Variants in RABGEF1 observed in about 807,000 individuals in gnomAD.
RABGEF1 encodes the protein RAB guanine nucleotide exchange factor 1.
In RABGEF1, 26 loss-of-function variants were observed where a neutral mutation model predicts 57.3. The ratio of observed to expected loss-of-function variants is 0.45; its 90% CI spans 0.33 to 0.63. RABGEF1 has a LOEUF of 0.63. RABGEF1 is among the 20% of genes least tolerant of loss of function. RABGEF1 has a pLI of 0.02. For synonymous variants in RABGEF1, 185 were observed against 210.7 expected (o/e 0.88, Z 1.06); for missense variants, 464 against 607.6 (o/e 0.76, Z 2.48).
chr7:66,735,595 G>GT (rs770876580), intron 2 of RABGEF1, among the ~76,000 whole-genome samples: 1 of 152,202 alleles, frequency 6.6e-6, no homozygotes, highest in Non-Finnish European at 1.5e-5. Context: ...CAGGATCATT[G>GT]TGGGGGGGGT....
At chr7:66,723,943 A>AT (rs1178312553) in intron 2 of RABGEF1, among the ~76,000 whole-genome samples, 1 of 152,140 alleles carries the variant, frequency 6.6e-6, no homozygotes, top group Non-Finnish European at 1.5e-5. Context: ...CATATTTGCC[A>AT]TTTTTAGTGC....
At chr7:66,748,014 G>A (rs1800628657) in intron 1 of RABGEF1, among the ~76,000 whole-genome samples, 1 of 152,128 alleles carries the variant, frequency 6.6e-6, no homozygotes, top group Admixed American at 6.6e-5. Flanking sequence ...TAAGTGCAGA[G>A]GGCCACAAAT....
intron 1 of RABGEF1, among the ~76,000 whole-genome samples, chr7:66,683,812 G>A (rs1790163924): frequency 6.6e-6 from 1 of 152,026 alleles, no homozygotes; most frequent in South Asian, 2.1e-4. Flanking sequence ...ACGATCACGA[G>A]TCACTGAAGT....
intron 4 of RABGEF1, among the ~76,000 whole-genome samples, chr7:66,790,760 TAATGAACTCCTATTCAGGAATG>T (rs1284410758): frequency 1.3e-5 from 2 of 152,210 alleles, no homozygotes; most frequent in East Asian, 3.9e-4. Context: ...ACAGTTGCAT[TAATGAACTCCTATTCAGGAATG>T]TGTTCTCTGA....
intron 1 of RABGEF1, among the ~76,000 whole-genome samples, chr7:66,693,669 G>A (rs1332766049): frequency 7.2e-5 from 11 of 152,218 alleles, no homozygotes; most frequent in Admixed American, 2.0e-4. Flanking sequence ...ACCTGCTAGG[G>A]CCCAGGGCTG....
intron 1 of RABGEF1, chr7:66,748,914 TG>T: frequency 4.1e-6 from 1 of 244,218 alleles, no homozygotes. Context: ...ACCCTGGTTC[TG>T]GGCACTCTCC....
intron 1 of RABGEF1, among the ~76,000 whole-genome samples, chr7:66,763,987 T>G (rs1306436735): frequency 6.6e-6 from 1 of 152,236 alleles, no homozygotes; most frequent in East Asian, 1.9e-4. Context: ...TTATTTCTCT[T>G]AGTCTAGGAG....
chr7:66,786,158 C>T (rs1811137985), intron 4 of RABGEF1, among the ~76,000 whole-genome samples: 2 of 152,184 alleles, frequency 1.3e-5, no homozygotes, highest in Non-Finnish European at 2.9e-5. Context: ...TTTCTCCAAG[C>T]CCTGTATATG....
chr7:66,741,522 A>C (rs1202830806), intron 1 of RABGEF1, among the ~76,000 whole-genome samples: 3 of 152,062 alleles, frequency 2.0e-5, no homozygotes. Context: ...GCGGTGTCTC[A>C]GCGCGGGTGA....
At chr7:66,773,761 G>A (rs1807793387) in intron 2 of RABGEF1, 2 of 453,370 alleles carry the variant, frequency 4.4e-6, no homozygotes, top group South Asian at 3.1e-5. Flanking sequence ...TGCTTCCTGG[G>A]CTCAAGTGAT....
At chr7:66,749,233 A>G (rs1800881472) in intron 1 of RABGEF1, among the ~76,000 whole-genome samples, 1 of 152,218 alleles carries the variant, frequency 6.6e-6, no homozygotes. Context: ...GAACAGTTGC[A>G]CTTTCAAGTA....
At chr7:66,788,623 G>A (rs548380730) in intron 4 of RABGEF1, among the ~76,000 whole-genome samples, 1 of 152,222 alleles carries the variant, frequency 6.6e-6, no homozygotes, top group East Asian at 1.9e-4. Context: ...TAAGGAAGCA[G>A]TTAAGCACAA....
In RABGEF1 at chr7:66,704,052, A is replaced by G. The variant is rs1343749092; in HGVS notation, c.-872-8115A>G. Among the ~76,000 whole-genome samples the G allele has an allele frequency of 1.1e-4, 17 of 152,192 alleles. 1 individual carries two copies. The highest frequency in any genetic ancestry group is 1.1e-3 in the Admixed American group (17 of 15,274). On this transcript the variant is annotated intron_variant and NMD_transcript_variant, in intron 1 of 9. Coordinates refer to the RABGEF1 transcript ENST00000607882. ...TAAGTGTTTTATTGATTTTGAAGCT[A>G]TTGCACATAGAATGGCTTTCTTAAT...
intron 2 of RABGEF1, among the ~76,000 whole-genome samples, chr7:66,713,173 CCTCT>C (rs1236853032): frequency 6.9e-6 from 1 of 144,428 alleles, no homozygotes; most frequent in African/African-American, 2.6e-5. Flanking sequence ...ACGTAGTCTC[CCTCT>C]GTCGCCCAGG....
chr7:66,686,634 C>T (rs1407478084), intron 1 of RABGEF1, among the ~76,000 whole-genome samples: 3 of 152,246 alleles, frequency 2.0e-5, no homozygotes, highest in Non-Finnish European at 2.9e-5. Flanking sequence ...GAAACAACAG[C>T]TATCCTATTT....
intron 4 of RABGEF1, among the ~76,000 whole-genome samples, chr7:66,786,825 A>G (rs886898268): frequency 3.9e-5 from 6 of 152,212 alleles, no homozygotes; most frequent in Admixed American, 6.5e-5. Context: ...CAGTACTTCT[A>G]TACATTCTTT....
chr7:66,665,474 C>T, the RABGEF1 span, among the ~76,000 whole-genome samples: 1 of 152,000 alleles, frequency 6.6e-6, no homozygotes, highest in South Asian at 2.1e-4. Context: ...AGCAGTGTGT[C>T]CTGCTGGGGG....
intron 3 of RABGEF1, among the ~76,000 whole-genome samples, chr7:66,781,631 T>A (rs1809927845): frequency 6.6e-6 from 1 of 152,212 alleles, no homozygotes; most frequent in Non-Finnish European, 1.5e-5. Context: ...GTGGTTTTTC[T>A]CTCATCTTGG....
At chr7:66,774,936 AC>A (rs1808165601) in intron 2 of RABGEF1, among the ~76,000 whole-genome samples, 1 of 152,072 alleles carries the variant, frequency 6.6e-6, no homozygotes, top group African/African-American at 2.4e-5. Context: ...TTGTTTACTT[AC>A]CTTTTTGTCT....
Sources: gnomAD v4.1 joint callset for allele counts (sites outside exome capture counted in the v4.1 genomes callset) on GRCh38, gnomAD v4.1.1 for gene constraint, MANE v1.5 for transcripts, NCBI Gene and HGNC (gene_info 2026-07-23, HGNC 2026-07-21) for gene names.